The following MEIOB variants were observed in gnomAD, a reference collection of about 807,000 sequenced individuals.
MEIOB encodes meiosis specific with OB-fold.
Under a neutral mutation model 53.1 loss-of-function variants are expected in MEIOB, and 50 were observed. The ratio of observed to expected loss-of-function variants is 0.94; its 90% CI spans 0.75 to 1.19. The LOEUF is 1.19. MEIOB is among the 50% of genes most tolerant of loss of function. MEIOB has a pLI of 0.00. For missense variants in MEIOB, 551 were observed against 550.8 expected (o/e 1.00, Z 0.00); for synonymous variants, 192 against 182.5 (o/e 1.05, Z -0.42).
chr16:1,859,856 T>G (rs904457264), intron 5 of MEIOB, among the ~76,000 whole-genome samples: 17 of 152,134 alleles, frequency 1.1e-4, no homozygotes, highest in African/African-American at 3.6e-4. Context: ...GGGGAGTGGA[T>G]GGACTACAGC....
chr16:1,861,933 C>T, intron 4 of MEIOB, 52 bp downstream of exon 4: 3 of 1,503,934 alleles, frequency 2.0e-6, no homozygotes, highest in Non-Finnish European at 1.8e-6. Flanking sequence ...CATAAACATA[C>T]CACAGGAATA....
At chr16:1,835,028 G>T (rs1293605379) in intron 13 of MEIOB, among the ~76,000 whole-genome samples, 1 of 151,666 alleles carries the variant, frequency 6.6e-6, no homozygotes, top group African/African-American at 2.4e-5. Flanking sequence ...GCCAAGGCAG[G>T]TAGATCACTT....
intron 9 of MEIOB, among the ~76,000 whole-genome samples, chr16:1,852,581 G>A (rs1444315427): frequency 1.3e-5 from 2 of 149,846 alleles, no homozygotes; most frequent in Non-Finnish European, 3.0e-5. Flanking sequence ...TTAAGACGGG[G>A]TCTTGCTCTT....
In MEIOB at chr16:1,841,832, A is replaced by T; in HGVS notation, c.1022T>A (p.Val341Asp). The part of the protein sequence containing the change: ...LNIDDETTKV[V>D]RNRCSSCGYI... The stretch of plus-strand genomic sequence containing the variant: ...CACGGATCCTTACCATCTATTTCGA[A>T]CTACTTTTGTAGTTTCATCATCAAT... The change falls in exon 11 of 14, where the codon GTT becomes GAT. Residue 341 changes from valine (V) to aspartate (D), a missense_variant. Val to Asp is a radical substitution (Grantham distance 152, BLOSUM62 -3). Coordinates refer to ENST00000325962, the MANE Select transcript of MEIOB (RefSeq NM_001163560.3). The T allele has an allele frequency of 3.2e-6, 5 of 1,574,956 alleles. No individual in the cohort carries two copies. Among genetic ancestry groups the T allele is most frequent in the Non-Finnish European group, 4.3e-6 (5 of 1,162,416 alleles).
intron 5 of MEIOB, among the ~76,000 whole-genome samples, chr16:1,858,156 C>T (rs1899355907): frequency 1.3e-5 from 2 of 152,108 alleles, no homozygotes; most frequent in African/African-American, 2.4e-5. Flanking sequence ...TCTAAACATA[C>T]CATTTGTCTG....
intron 6 of MEIOB, 70 bp downstream of exon 6, chr16:1,857,665 C>A: frequency 7.9e-7 from 1 of 1,266,606 alleles, no homozygotes; most frequent in South Asian, 1.3e-5. Flanking sequence ...CCACTCCATC[C>A]CAAACACAGA....
chr16:1,837,272 C>A (rs58359138), intron 13 of MEIOB, among the ~76,000 whole-genome samples: 1 of 151,416 alleles, frequency 6.6e-6, no homozygotes, highest in Admixed American at 6.6e-5. Context: ...TCTGTCTCCC[C>A]GCAACAACCC....
chr16:1,834,764 T>C (rs772705622), intron 13 of MEIOB, among the ~76,000 whole-genome samples: 1 of 150,484 alleles, frequency 6.6e-6, no homozygotes, highest in South Asian at 2.1e-4. Context: ...GAAACTCCCA[T>C]TTCTACTAAA....
At chr16:1,868,813 C>T (rs955462597) in intron 1 of MEIOB, among the ~76,000 whole-genome samples, 3 of 151,940 alleles carry the variant, frequency 2.0e-5, no homozygotes, top group Non-Finnish European at 4.4e-5. Flanking sequence ...TGAGATGGCA[C>T]CACTGCACTC....
In MEIOB at chr16:1,854,093, T is replaced by A. The variant is rs1288831926; in HGVS notation, c.629+7A>T. 1.3e-6 allele frequency: 2 copies of A among 1,503,616 alleles called. No homozygotes were observed. Among genetic ancestry groups the A allele is most frequent in the Non-Finnish European group, 9.1e-7 (1 of 1,103,882 alleles). 93.1% of individuals were successfully genotyped at this position (1,503,616 alleles called of 1,614,324 possible). ...TTTCACAGTTTGGAACAGACATCGG[T>A]GTTTACCATGTCATCGCAAAAGACG... On this transcript the variant is annotated splice_region_variant and intron_variant, in intron 7 of 13. Coordinates refer to ENST00000325962, the MANE Select transcript of MEIOB (RefSeq NM_001163560.3).
At chr16:1,848,323 TA>T (rs1367649034) in intron 9 of MEIOB, among the ~76,000 whole-genome samples, 2 of 152,200 alleles carry the variant, frequency 1.3e-5, no homozygotes, top group Non-Finnish European at 2.9e-5. Context: ...TATTTCATGC[TA>T]AATTCCATTG....
At chr16:1,871,026 C>G (rs1216394724) in intron 1 of MEIOB, among the ~76,000 whole-genome samples, 1 of 152,024 alleles carries the variant, frequency 6.6e-6, no homozygotes, top group Non-Finnish European at 1.5e-5. Context: ...TATTATCTCT[C>G]TGAATTCCCT....
chr16:1,848,240 C>T (rs540110126), intron 9 of MEIOB, among the ~76,000 whole-genome samples: 5 of 152,300 alleles, frequency 3.3e-5, no homozygotes, highest in African/African-American at 1.2e-4. Flanking sequence ...ATATTAAACA[C>T]ATTAAATATC....
intron 11 of MEIOB, chr16:1,839,674 C>A: frequency 2.3e-6 from 1 of 437,780 alleles, no homozygotes; most frequent in East Asian, 4.1e-5. Flanking sequence ...GCCCTCCTTC[C>A]CTCCCTCTGC....
At chr16:1,869,289 C>A (rs1394155962) in intron 1 of MEIOB, among the ~76,000 whole-genome samples, 1 of 148,988 alleles carries the variant, frequency 6.7e-6, no homozygotes. Context: ...CATGCCCAGC[C>A]AATTTTTGTA....
At position 1,840,709 on chromosome 16, in the gene MEIOB, C is replaced by T. The variant is rs577518813; in HGVS notation, c.1034+1111G>A. On this transcript the variant is annotated intron_variant, in intron 11 of 13. Coordinates refer to ENST00000325962, the MANE Select transcript of MEIOB (RefSeq NM_001163560.3). ...GACTACAGGCGCCCACCACCATGCC[C>T]GGCTAATTTTTTTGTATTTTTTAGT... is the stretch of plus-strand genomic sequence containing the variant. 9.9e-5 allele frequency among the ~76,000 whole-genome samples: 15 copies of T among 152,128 alleles called. No homozygotes were observed. The East Asian group carries it at 1.9e-3, about 20-fold the overall frequency.
intron 2 of MEIOB, among the ~76,000 whole-genome samples, chr16:1,867,461 AATTT>A (rs1899622050): frequency 8.1e-6 from 1 of 123,002 alleles, no homozygotes; most frequent in African/African-American, 3.2e-5. Context: ...AAAATGGTTT[AATTT>A]TTTTTTTTTT....
chr16:1,853,916 C>T (rs1325504297), intron 7 of MEIOB, among the ~76,000 whole-genome samples, 184 bp downstream of exon 7: 1 of 152,208 alleles, frequency 6.6e-6, no homozygotes, highest in Non-Finnish European at 1.5e-5. Context: ...CATCTAAAGA[C>T]CTCATTTTAA....
At chr16:1,862,231 T>A in intron 3 of MEIOB, 115 bp from the exon 4 acceptor site, 1 of 766,816 alleles carries the variant, frequency 1.3e-6, no homozygotes, top group Non-Finnish European at 2.1e-6. Flanking sequence ...TGATTATTTG[T>A]TTAATCAAAT....
Sources: allele counts gnomAD v4.1 joint callset (sites outside exome capture counted in the v4.1 genomes callset), GRCh38; gene constraint gnomAD v4.1.1; transcripts MANE v1.5; gene names NCBI Gene and HGNC (gene_info 2026-07-23, HGNC 2026-07-21).